Variants in TXLNG observed in about 807,000 individuals in gnomAD.
TXLNG encodes the protein taxilin gamma.
In TXLNG, 5 loss-of-function variants were observed where a neutral mutation model predicts 38.8. The observed-to-expected ratio is 0.13, with a 90% confidence interval of 0.07 to 0.27. TXLNG has a LOEUF of 0.27. Among genes scored for constraint, TXLNG ranks in the 10% least tolerant of loss-of-function variants. The probability of loss-of-function intolerance (pLI) is 1.00; values close to 1 mark genes in which losing one functional copy is unlikely to be tolerated. For missense variants in TXLNG, 393 were observed against 398.2 expected (o/e 0.99, Z 0.11); for synonymous variants, 182 against 158.2 (o/e 1.15, Z -1.13).
intron 1 of TXLNG, among the ~76,000 whole-genome samples, chrX:16,808,105 T>G (rs1477041491): frequency 8.9e-6 from 1 of 111,795 alleles, no homozygotes; most frequent in East Asian, 2.8e-4. Context: ...TAGTGAGTCC[T>G]CTTAGCTCCA....
chrX:16,799,999 G>A (rs1354813005), intron 1 of TXLNG, among the ~76,000 whole-genome samples: 1 of 108,608 alleles, frequency 9.2e-6, no homozygotes. Context: ...GAGTGCAGTG[G>A]TATGATCTCG....
chrX:16,841,246 T>C (rs768472592), intron 9 of TXLNG, among the ~76,000 whole-genome samples, 182 bp from the exon 10 acceptor site: 4 of 110,374 alleles, frequency 3.6e-5, no homozygotes, highest in Non-Finnish European at 5.7e-5. Context: ...TGAAACAATA[T>C]GCTAAATCTC....
chrX:16,827,005 G>C (rs1284071333), intron 3 of TXLNG, among the ~76,000 whole-genome samples: 1 of 109,164 alleles, frequency 9.2e-6, no homozygotes, highest in East Asian at 2.9e-4. Flanking sequence ...AAGGCAGGTG[G>C]ATCAATTGAG....
rs146919809 is a variant in TXLNG at position 16,818,582 on chromosome X, T to C, written c.111T>C (p.Ile37=). The change falls in exon 2 of 10, where the codon ATT becomes ATC. Residue 37 remains isoleucine, a synonymous_variant. Coordinates refer to ENST00000380122, the MANE Select transcript of TXLNG (RefSeq NM_018360.3). ...CTTCTCCTTTCTTCTAGTTTGAAAT[T>C]GGCACAATGGAAGAAGCTGGAATTT... ...RRRSPRQKFE[I]GTMEEAGICG... 2.4e-5 allele frequency: 29 copies of C among 1,205,873 alleles called. No individual in the cohort carries two copies. In the African/African-American group the frequency reaches 4.7e-4, roughly 20 times the overall value.
chrX:16,791,002 G>T (rs1357498063), intron 1 of TXLNG, among the ~76,000 whole-genome samples: 1 of 112,076 alleles, frequency 8.9e-6, no homozygotes, highest in Non-Finnish European at 1.9e-5. Flanking sequence ...CTAAGCTTCA[G>T]TTGCATCATC....
intron 1 of TXLNG, among the ~76,000 whole-genome samples, chrX:16,818,337 T>C (rs184948688): frequency 3.7e-3 from 420 of 112,172 alleles, no homozygotes; most frequent in African/African-American, 0.011. Context: ...TATAACTAAA[T>C]GGGTTTCTTG....
intron 1 of TXLNG, among the ~76,000 whole-genome samples, 179 bp downstream of exon 1, chrX:16,786,768 A>C (rs1927503597): frequency 2.6e-5 from 1 of 39,055 alleles, no homozygotes; most frequent in Non-Finnish European, 4.9e-5. Context: ...ACCGCGATGG[A>C]TGGGGTGGGA....
At chrX:16,809,346 T>TTG (rs1491505304) in intron 1 of TXLNG, among the ~76,000 whole-genome samples, 83 of 27,576 alleles carry the variant, frequency 3.0e-3, no homozygotes, top group Non-Finnish European at 7.6e-3. Context: ...CTTATAGTTG[T>TTG]TTTTTTTTTT....
At chrX:16,826,012 G>A (rs1051530100) in intron 3 of TXLNG, among the ~76,000 whole-genome samples, 1 of 111,967 alleles carries the variant, frequency 8.9e-6, no homozygotes, top group African/African-American at 3.2e-5. Flanking sequence ...ATTTGCACTA[G>A]CTACAATAAA....
chrX:16,832,097 C>A (rs2147494789), intron 5 of TXLNG, among the ~76,000 whole-genome samples: 1 of 112,334 alleles, frequency 8.9e-6, no homozygotes, highest in South Asian at 3.7e-4. Context: ...TCCCCCTGTA[C>A]AGAGGAGGGC....
At chrX:16,794,431 G>A (rs1329315653) in intron 1 of TXLNG, among the ~76,000 whole-genome samples, 1 of 111,411 alleles carries the variant, frequency 9.0e-6, no homozygotes, top group African/African-American at 3.3e-5. Flanking sequence ...TTAACCTTGA[G>A]ATTTATGATT....
intron 1 of TXLNG, among the ~76,000 whole-genome samples, chrX:16,800,648 T>C (rs780543837): frequency 1.9e-5 from 2 of 104,623 alleles, no homozygotes; most frequent in East Asian, 6.0e-4. Context: ...CCCTGCAACC[T>C]CTGCCTCCCG....
chrX:16,819,377 C>T (rs1180029220), intron 2 of TXLNG, among the ~76,000 whole-genome samples: 2 of 111,098 alleles, frequency 1.8e-5, no homozygotes, highest in Admixed American at 1.9e-4. Context: ...TTTTTGAAGT[C>T]ACCCTTTTTC....
rs1927491114 is a variant in TXLNG, at chrX:16,786,589, GGTCA to G, written c.102+6_102+9del. The G allele has an allele frequency of 4.7e-6, 5 of 1,058,327 alleles. No homozygotes were observed. The highest frequency in any genetic ancestry group is 6.1e-6 in the Non-Finnish European group (5 of 824,536). 87.2% of individuals were successfully genotyped at this position (1,058,327 alleles called of 1,213,427 possible). The stretch of plus-strand genomic sequence containing the variant: ...GACGGCGACGCAGCCCGCGGCAGAA[GGTCA>G]GTCAGGGGGACGCCCTCGTTGTTGT... On this transcript the variant is annotated splice_donor_variant and splice_donor_region_variant and intron_variant, in intron 1 of 9. Transcript: ENST00000380122. LOFTEE classifies it high-confidence loss of function.
At chrX:16,792,765 T>A (rs1569260236) in intron 1 of TXLNG, among the ~76,000 whole-genome samples, 2 of 106,645 alleles carry the variant, frequency 1.9e-5, no homozygotes, top group African/African-American at 6.9e-5. Context: ...GGCAAGAGAG[T>A]GAGATCCTGT....
chrX:16,803,161 C>CATGGGGTT (rs2147467296), intron 1 of TXLNG: 1 of 110,626 alleles, frequency 9.0e-6, no homozygotes, highest in African/African-American at 3.3e-5. Context: ...CGTCGGACAC[C>CATGGGGTT]CGCTGCCTCC....
At chrX:16,789,516 A>G (rs1286069444) in intron 1 of TXLNG, among the ~76,000 whole-genome samples, 1 of 107,298 alleles carries the variant, frequency 9.3e-6, no homozygotes, top group Non-Finnish European at 1.9e-5. Context: ...GCTAGTGGCT[A>G]CTGTATTAGA....
In TXLNG at chrX:16,842,421, TAGTGTTTACGTGACTGAAC is replaced by T. The variant is rs1255793160; in HGVS notation, c.*659_*677del. On this transcript the variant is annotated 3_prime_UTR_variant, in exon 10 of 10. Coordinates refer to ENST00000380122, the MANE Select transcript of TXLNG (RefSeq NM_018360.3). ...AGGCAAATCACTAGACAAATAAGCT[TAGTGTTTACGTGACTGAAC>T]AGTCATCCTGCTTTGGTTTCAGGTG... 1.8e-5 allele frequency: 2 copies of T among 111,561 alleles called. No homozygotes were observed. Among genetic ancestry groups the T allele is most frequent in the Non-Finnish European group, 3.8e-5 (2 of 53,171 alleles). 9.2% of individuals were successfully genotyped at this position (111,561 alleles called of 1,213,427 possible).
intron 1 of TXLNG, among the ~76,000 whole-genome samples, chrX:16,811,835 C>T (rs1328508930): frequency 9.2e-6 from 1 of 108,159 alleles, no homozygotes; most frequent in Non-Finnish European, 1.9e-5. Flanking sequence ...GACGGGGTTT[C>T]ACCATGTTGG....
Sources: gnomAD v4.1 joint callset for allele counts (sites outside exome capture counted in the v4.1 genomes callset) on GRCh38, gnomAD v4.1.1 for gene constraint, MANE v1.5 for transcripts, NCBI Gene and HGNC (gene_info 2026-07-23, HGNC 2026-07-21) for gene names.